The following EXT2 variants were observed in gnomAD, a reference collection of about 807,000 sequenced individuals.
The protein encoded by EXT2 is exostosin glycosyltransferase 2.
A neutral mutation model predicts 81.6 loss-of-function variants in EXT2; 53 were observed. That is an observed-to-expected ratio of 0.65 (90% CI 0.52 to 0.82). The LOEUF is 0.82. Among genes scored for constraint, EXT2 ranks in the 40% least tolerant of loss-of-function variants. The pLI is 0.00. For missense variants in EXT2, 774 were observed against 910.2 expected (o/e 0.85, Z 1.93); for synonymous variants, 320 against 340.0 (o/e 0.94, Z 0.65).
chr11:44,225,180 C>T (rs7109486), intron 10 of EXT2, among the ~76,000 whole-genome samples: 2 of 152,220 alleles, frequency 1.3e-5, no homozygotes, highest in South Asian at 4.2e-4. Flanking sequence ...ATCTCTCCTT[C>T]CCTTCTTATT....
chr11:44,167,370 A>T (rs1955009230), intron 7 of EXT2, among the ~76,000 whole-genome samples: 2 of 152,230 alleles, frequency 1.3e-5, no homozygotes, highest in Non-Finnish European at 2.9e-5. Flanking sequence ...AGCCATATAC[A>T]GTGCTGGTGA....
rs200249806 is a variant in EXT2, at chr11:44,119,124, TTATATATATATATATATATATATATA to T, written c.743+4844_743+4869del. 7.4e-4 allele frequency among the ~76,000 whole-genome samples: 19 copies of T among 25,654 alleles called. 2 individuals carry two copies. The East Asian group carries it at 0.027, about 36-fold the overall frequency. The allele number at this position is 25,654 out of a possible 152,430, so 16.8% of individuals were successfully genotyped here. On this transcript the variant is annotated intron_variant, in intron 4 of 13. Coordinates refer to ENST00000533608, the MANE Select transcript of EXT2 (RefSeq NM_207122.2). ...TGTCCCCCAGGGGACATTTGGCTAT[TTATATATATATATATATATATATATA>T]TATATATATATATATATATACACAT...
At chr11:44,228,162 T>C (rs561401440) in intron 10 of EXT2, among the ~76,000 whole-genome samples, 1 of 152,182 alleles carries the variant, frequency 6.6e-6, no homozygotes. Context: ...TCCCCAAAGA[T>C]GCGTGCAATT....
In EXT2 at chr11:44,124,959, T is replaced by C. The variant is rs1954378449; in HGVS notation, c.914T>C (p.Val305Ala). Residue 305 changes from valine (V) to alanine (A), a missense_variant, in exon 5 of 14, where the codon GTC becomes GCC. Val to Ala is a moderately conservative substitution (Grantham distance 64). This residue lies in a region of EXT2 where 626 missense variants were observed against 670.5 expected (regional missense o/e 0.93). Transcript: ENST00000533608. ...SVRKRCHKHQ[V>A]FDYPQVLQEA... is the part of the protein sequence containing the mutation. ...CGTAAGCGCTGCCACAAGCACCAGGTCTTCGATTACCCACAGGTGCTACAG... is the reference window on the plus strand; with the variant it reads ...CGTAAGCGCTGCCACAAGCACCAGGCCTTCGATTACCCACAGGTGCTACAG... The C allele has an allele frequency of 6.2e-7, 1 of 1,613,124 alleles. No homozygotes were observed. The highest frequency in any genetic ancestry group is 1.3e-5 in the African/African-American group (1 of 74,838).
intron 7 of EXT2, among the ~76,000 whole-genome samples, chr11:44,166,853 C>G (rs180848076): frequency 6.6e-6 from 1 of 152,164 alleles, no homozygotes; most frequent in Non-Finnish European, 1.5e-5. Flanking sequence ...AACTTCTGCT[C>G]GGATAAGAAA....
chr11:44,100,990 A>G (rs536652279), intron 1 of EXT2, among the ~76,000 whole-genome samples: 46 of 152,262 alleles, frequency 3.0e-4, no homozygotes, highest in Admixed American at 8.5e-4. Flanking sequence ...TGTGCTCCTC[A>G]AGATCTGCCT....
At chr11:44,121,876 G>A (rs1257744118) in intron 4 of EXT2, among the ~76,000 whole-genome samples, 1 of 152,042 alleles carries the variant, frequency 6.6e-6, no homozygotes, top group East Asian at 1.9e-4. Context: ...TCACTTCTGG[G>A]GCTCTGATAC....
At chr11:44,218,661 G>A (rs979408918) in intron 10 of EXT2, among the ~76,000 whole-genome samples, 2 of 152,048 alleles carry the variant, frequency 1.3e-5, no homozygotes, top group African/African-American at 4.8e-5. Context: ...TTAGTGATGA[G>A]GGGGCCTCAC....
Position 44,107,864 on chromosome 11 carries a change from A to T in EXT2, c.152A>T (p.Glu51Val), listed in dbSNP as rs2134965938. Residue 51 changes from glutamate to valine, a missense_variant, in exon 2 of 14, where the codon GAG becomes GTG. By Grantham distance (121) the Glu-to-Val change is moderately radical. Around this residue, in one of 2 missense-constraint regions of EXT2, gnomAD observed 626 missense variants for 670.5 expected, o/e 0.93. Transcript: ENST00000533608. ...GMFQFWPHSI[E>V]SSNDWNVEKR... is the part of the protein sequence containing the mutation. ...TTTCAGTTTTGGCCCCATTCTATCG[A>T]GTCCTCAAATGACTGGAATGTAGAG... The T allele has an allele frequency of 6.2e-7, 1 of 1,614,142 alleles. No homozygotes were observed. The highest frequency in any genetic ancestry group is 8.5e-7 in the Non-Finnish European group (1 of 1,180,036).
intron 8 of EXT2, among the ~76,000 whole-genome samples, chr11:44,186,775 A>T (rs979351042): frequency 1.3e-5 from 2 of 152,140 alleles, no homozygotes; most frequent in African/African-American, 4.8e-5. Flanking sequence ...TTACTTACCA[A>T]ATCTCTCTTT....
chr11:44,209,244 G>A (rs1955619454), intron 10 of EXT2, among the ~76,000 whole-genome samples: 1 of 152,190 alleles, frequency 6.6e-6, no homozygotes, highest in Non-Finnish European at 1.5e-5. Flanking sequence ...AAATAATGGT[G>A]AACTGTGTTG....
At chr11:44,207,926 AT>A (rs1955603325) in intron 10 of EXT2, among the ~76,000 whole-genome samples, 1 of 152,154 alleles carries the variant, frequency 6.6e-6, no homozygotes, top group African/African-American at 2.4e-5. Flanking sequence ...TTTAAAAAAA[AT>A]GTAGCTTCAT....
At chr11:44,125,919 T>TG (rs1954396524) in intron 5 of EXT2, among the ~76,000 whole-genome samples, 1 of 152,238 alleles carries the variant, frequency 6.6e-6, no homozygotes, top group South Asian at 2.1e-4. Flanking sequence ...CCACGATGAC[T>TG]TCTCTTCCTC....
At chr11:44,226,063 A>AT (rs1020279881) in intron 10 of EXT2, among the ~76,000 whole-genome samples, 22 of 152,296 alleles carry the variant, frequency 1.4e-4, no homozygotes, top group African/African-American at 4.1e-4. Context: ...AATGGCACAG[A>AT]TTTTTTTATC....
intron 8 of EXT2, among the ~76,000 whole-genome samples, chr11:44,184,599 A>G (rs1955284038): frequency 6.6e-6 from 1 of 152,038 alleles, no homozygotes; most frequent in Non-Finnish European, 1.5e-5. Context: ...AAAATACAAG[A>G]AATTAGCTGG....
chr11:44,247,243 CTT>C lies in EXT2; in HGVS notation c.*2975_*2976del, dbSNP rs11421737. On this transcript the variant is annotated 3_prime_UTR_variant, in exon 14 of 14. Coordinates refer to ENST00000533608, the MANE Select transcript of EXT2 (RefSeq NM_207122.2). ...CCTGCCAGTGATGCTCTGCTGTATC[CTT>C]TTTTTTTTTTTTTTTTTTGAGACAG... is the stretch of plus-strand genomic sequence containing the variant. Among the ~76,000 whole-genome samples, 4 of 115,170 alleles carry C rather than the reference CTT, an allele frequency of 3.5e-5. No individual in the cohort carries two copies. Among genetic ancestry groups the C allele is most frequent in the Non-Finnish European group, 5.2e-5 (3 of 57,694 alleles). 75.6% of individuals were successfully genotyped at this position (115,170 alleles called of 152,430 possible). A position where few individuals can be genotyped will look rare whatever the true frequency, so the allele number is the denominator to read the frequency against.
Position 44,246,786 on chromosome 11 carries a change from A to G in EXT2, c.*2499A>G, listed in dbSNP as rs183650940. 3.8e-4 allele frequency among the ~76,000 whole-genome samples: 58 copies of G among 152,364 alleles called. No homozygotes were observed. On this transcript the variant is annotated 3_prime_UTR_variant, in exon 14 of 14. Transcript: ENST00000533608. ...TGTATTTCTGAGCTGCTAACCAGCA[A>G]ACCTCACCCATAAGCTTAGGTCAGG...
chr11:44,115,309 C>G (rs1270553240), intron 4 of EXT2, among the ~76,000 whole-genome samples: 2 of 152,184 alleles, frequency 1.3e-5, no homozygotes, highest in Non-Finnish European at 2.9e-5. Flanking sequence ...CCTGCCTCAG[C>G]CTCCCAAGTA....
At chr11:44,144,417 G>A in intron 7 of EXT2, 2 of 1,229,248 alleles carry the variant, frequency 1.6e-6, no homozygotes, top group Non-Finnish European at 2.3e-6. Context: ...ACCAAACACA[G>A]TTTTATTGGT....
Sources: gnomAD v4.1 joint callset for allele counts (sites outside exome capture counted in the v4.1 genomes callset) on GRCh38, gnomAD v4.1.1 for gene constraint, gnomAD v4.1.1 regional missense constraint, MANE v1.5 for transcripts, NCBI Gene and HGNC (gene_info 2026-07-23, HGNC 2026-07-21) for gene names.